CUL4A: variants seen among roughly 807,000 people sequenced by gnomAD.
CUL4A encodes cullin-4A.
A neutral mutation model predicts 95.5 loss-of-function variants in CUL4A; 16 were observed. The ratio of observed to expected loss-of-function variants is 0.17; its 90% confidence interval spans 0.11 to 0.25. CUL4A has a LOEUF of 0.25. Among genes scored for constraint, CUL4A ranks in the 10% least tolerant of loss-of-function variants. CUL4A has a pLI of 1.00. For synonymous variants in CUL4A, 380 were observed against 353.1 expected, an observed-to-expected ratio of 1.08 and a Z score of -0.85; for missense variants, 610 against 937.0, an observed-to-expected ratio of 0.65 and a Z score of 4.56.
Position 113,244,968 on chromosome 13 carries a change from A to T in CUL4A, c.1353A>T (p.Ala451=), listed in dbSNP as rs748284094. 3 of 1,611,488 alleles carry T rather than the reference A, an allele frequency of 1.9e-6. No homozygotes were observed. In the Admixed American group the frequency reaches 5.0e-5, roughly 27 times the overall value. ...RFIHGKDVFE[A]FYKKDLAKRL... ...AAATAGGTAAAGATGTCTTTGAAGCATTTTATAAAAAAGATTTGGCAAAAA... is the reference window on the plus strand; with the variant it reads ...AAATAGGTAAAGATGTCTTTGAAGCTTTTTATAAAAAAGATTTGGCAAAAA... The change falls in exon 13 of 20, where the codon GCA becomes GCT. Residue 451 remains alanine (A), a synonymous_variant. Coordinates refer to ENST00000375440, the MANE Select transcript of CUL4A (RefSeq NM_001008895.4).
Position 113,264,521 on chromosome 13 carries a change from A to G in CUL4A, c.*939A>G, listed in dbSNP as rs1479014661. On this transcript the variant is annotated 3_prime_UTR_variant, in exon 20 of 20. Coordinates refer to ENST00000375440, the MANE Select transcript of CUL4A (RefSeq NM_001008895.4). ...GTGAAGCAGAGGTTATTTTGTGGAA[A>G]GATTAAAAGGATTTTGTTGGTACCT... 1.3e-5 allele frequency: 2 copies of G among 152,524 alleles called. No individual in the cohort carries two copies. The highest frequency in any genetic ancestry group is 4.8e-5 in the African/African-American group (2 of 41,454). The allele number at this position is 152,524 out of a possible 1,614,324, so 9.4% of individuals were successfully genotyped here. A position where few individuals can be genotyped will look rare whatever the true frequency, so the allele number is the denominator to read the frequency against.
At chr13:113,234,402 A>T (rs889998796) in intron 7 of CUL4A, among the ~76,000 whole-genome samples, 1 of 152,218 alleles carries the variant, frequency 6.6e-6, no homozygotes, top group African/African-American at 2.4e-5. Context: ...CAAAAAACTT[A>T]ATCACCTTTC....
intron 4 of CUL4A, 125 bp downstream of exon 4, chr13:113,228,170 G>A: frequency 5.5e-6 from 4 of 726,166 alleles, no homozygotes; most frequent in Non-Finnish European, 7.0e-6. Flanking sequence ...TGGTTGAACA[G>A]CACGATGAGA....
Position 113,239,559 on chromosome 13 carries a change from C to T in CUL4A, c.1035+8C>T, listed in dbSNP as rs201018266. On this transcript the variant is annotated splice_region_variant and intron_variant, in intron 10 of 19. Coordinates refer to ENST00000375440, the MANE Select transcript of CUL4A (RefSeq NM_001008895.4). The stretch of plus-strand genomic sequence containing the variant: ...TGGAGCGAGTACATCAAGGTACTGG[C>T]GGGGTTTTGAGGCCGCGGGCGTGGG... The T allele has an allele frequency of 1.7e-5, 27 of 1,603,088 alleles. No individual in the cohort carries two copies. In the Middle Eastern group the frequency reaches 6.6e-4, roughly 39 times the overall value.
chr13:113,243,551 A>T (rs906864122), intron 11 of CUL4A, among the ~76,000 whole-genome samples: 1 of 152,148 alleles, frequency 6.6e-6, no homozygotes, highest in African/African-American at 2.4e-5. Context: ...ATATCAAAAT[A>T]TATTTCAGAA....
At chr13:113,251,602 G>C (rs1486699245) in intron 15 of CUL4A, among the ~76,000 whole-genome samples, 6 of 152,186 alleles carry the variant, frequency 3.9e-5, no homozygotes, top group Admixed American at 3.9e-4. Flanking sequence ...TCATGGTAGT[G>C]AGTGAGTTCT....
upstream of CUL4A, chr13:113,208,668 A>G (rs2040156565): frequency 6.3e-7 from 1 of 1,594,764 alleles, no homozygotes; most frequent in African/African-American, 1.4e-5. Context: ...GCCACCCCCT[A>G]CGCCTCAAGC....
At chr13:113,217,645 A>G (rs2040743760) in intron 2 of CUL4A, among the ~76,000 whole-genome samples, 1 of 152,210 alleles carries the variant, frequency 6.6e-6, no homozygotes, top group Non-Finnish European at 1.5e-5. Flanking sequence ...TAAAATGAAT[A>G]GCTTTATAAC....
At chr13:113,215,878 G>A (rs2040663382) in intron 2 of CUL4A, among the ~76,000 whole-genome samples, 2 of 144,162 alleles carry the variant, frequency 1.4e-5, no homozygotes, top group African/African-American at 5.2e-5. Flanking sequence ...CCGTGTGGCT[G>A]TGGAGGTCGC....
intron 2 of CUL4A, among the ~76,000 whole-genome samples, chr13:113,211,415 A>G (rs937737269): frequency 6.6e-6 from 1 of 151,874 alleles, no homozygotes; most frequent in Admixed American, 6.6e-5. Context: ...ACGGAGTTTC[A>G]CTCTTGTGGC....
intron 3 of CUL4A, among the ~76,000 whole-genome samples, 154 bp from the exon 4 acceptor site, chr13:113,227,822 T>A (rs781346994): frequency 1.3e-5 from 2 of 151,952 alleles, no homozygotes; most frequent in Non-Finnish European, 2.9e-5. Flanking sequence ...GGAGAATCGC[T>A]TGAACCTGGG....
In CUL4A at chr13:113,266,762, A is replaced by C. The variant is rs1401934819; in HGVS notation, c.*3180A>C. On this transcript the variant is annotated 3_prime_UTR_variant, in exon 20 of 20. Transcript: ENST00000375440. ...GTTTGGGCCACCTTGAAAAGAGAAA[A>C]GTTGGATTAGACTCCTTTTTATACT... The C allele has an allele frequency of 6.6e-6, 1 of 152,322 alleles. No individual in the cohort carries two copies. Among genetic ancestry groups the C allele is most frequent in the African/African-American group, 2.4e-5 (1 of 41,582 alleles). The allele number at this position is 152,322 out of a possible 1,614,324, so 9.4% of individuals were successfully genotyped here.
rs1390592488 is a variant in CUL4A at position 113,244,496 on chromosome 13, C to T, written c.1315C>T (p.Leu439=). 4 of 1,612,252 alleles carry T rather than the reference C, an allele frequency of 2.5e-6. No individual in the cohort carries two copies. In the East Asian group the frequency reaches 8.9e-5, roughly 36 times the overall value. Residue 439 remains leucine (L), a synonymous_variant, in exon 12 of 20, where the codon CTG becomes TTG. Transcript: ENST00000375440. ...LERTLDKIMI[L]FRFIHGKDVF... ...GCGGACGTTGGACAAGATCATGATC[C>T]TGTTCAGGTTTATCCACGGTGAGAC...
chr13:113,265,587 A>C lies in CUL4A; in HGVS notation c.*2005A>C, dbSNP rs985464023. ...ATTTTTGTAGAGACGGGGTTTCACT[A>C]TGTTGGCCAGACTGGTCTTGAACTC... On this transcript the variant is annotated 3_prime_UTR_variant, in exon 20 of 20. Coordinates refer to ENST00000375440, the MANE Select transcript of CUL4A (RefSeq NM_001008895.4). 1.3e-5 allele frequency: 2 copies of C among 151,348 alleles called. No homozygotes were observed. 9.4% of individuals were successfully genotyped at this position (151,348 alleles called of 1,614,324 possible). A position where few individuals can be genotyped will look rare whatever the true frequency, so the allele number is the denominator to read the frequency against.
At chr13:113,221,467 G>A (rs1238795319) in intron 3 of CUL4A, among the ~76,000 whole-genome samples, 1 of 152,244 alleles carries the variant, frequency 6.6e-6, no homozygotes, top group Non-Finnish European at 1.5e-5. Flanking sequence ...TGAGCAGAAT[G>A]GGATTCTGTC....
At chr13:113,260,576 A>G (rs779854216) in intron 18 of CUL4A, 31 bp from the exon 19 acceptor site, 5 of 1,576,326 alleles carry the variant, frequency 3.2e-6, no homozygotes, top group Non-Finnish European at 2.6e-6. Context: ...ATACAGTTTT[A>G]CACTTAACTT....
At chr13:113,208,610 A>G, upstream of CUL4A, 1 of 1,606,134 alleles carries the variant, frequency 6.2e-7, no homozygotes, top group Non-Finnish European at 8.5e-7. Context: ...TGCTGCAGGT[A>G]CTGGTTAATG....
At position 113,244,348 on chromosome 13, in the gene CUL4A, T is replaced by C. The variant is rs2041801260; in HGVS notation, c.1229-62T>C. The C allele has an allele frequency of 1.8e-5, 22 of 1,212,516 alleles. No individual in the cohort carries two copies. The South Asian group carries it at 2.5e-4, about 14-fold the overall frequency. The allele number at this position is 1,212,516 out of a possible 1,614,324, so 75.1% of individuals were successfully genotyped here. A position where few individuals can be genotyped will look rare whatever the true frequency, so the allele number is the denominator to read the frequency against. On this transcript the variant is annotated intron_variant, in intron 11 of 19. Coordinates refer to ENST00000375440, the MANE Select transcript of CUL4A (RefSeq NM_001008895.4). ...GAATGTTCCTGTACAATGTTGCTAA[T>C]AGAAATTGAAGATGCTCTCTTTTTC... is the stretch of plus-strand genomic sequence containing the variant.
chr13:113,242,132 T>A (rs2041731443), intron 10 of CUL4A, among the ~76,000 whole-genome samples: 1 of 152,170 alleles, frequency 6.6e-6, no homozygotes, highest in East Asian at 1.9e-4. Context: ...CTGGCCAACA[T>A]GGTGAAACCC....
Sources: gnomAD v4.1 joint callset for allele counts (sites outside exome capture counted in the v4.1 genomes callset) on GRCh38, gnomAD v4.1.1 for gene constraint, MANE v1.5 for transcripts, NCBI Gene and HGNC (gene_info 2026-07-23, HGNC 2026-07-21) for gene names.